THSD4: variants seen among roughly 807,000 people sequenced by gnomAD.
The protein encoded by THSD4 is thrombospondin type-1 domain-containing protein 4.
A neutral mutation model predicts 119.0 loss-of-function variants in THSD4; 69 were observed. That is an observed-to-expected ratio of 0.58 (90% CI 0.48 to 0.71). The LOEUF is 0.71. Among genes scored for constraint, THSD4 ranks in the 30% least tolerant of loss-of-function variants. The pLI, the probability that THSD4 is intolerant of heterozygous loss-of-function variation, is 0.00. For synonymous variants in THSD4, 524 were observed against 540.4 expected, an observed-to-expected ratio of 0.97 and a Z score of 0.42; for missense variants, 1,393 against 1,391.1, an observed-to-expected ratio of 1.00 and a Z score of -0.02.
At chr15:71,495,616 T>C (rs1450350226) in intron 7 of THSD4, among the ~76,000 whole-genome samples, 1 of 152,202 alleles carries the variant, frequency 6.6e-6, no homozygotes, top group African/African-American at 2.4e-5. Flanking sequence ...TGCTGGGTCA[T>C]GACAGCTGTA....
intron 3 of THSD4, among the ~76,000 whole-genome samples, chr15:71,155,779 G>A (rs1211206386): frequency 6.6e-6 from 1 of 152,148 alleles, no homozygotes; most frequent in African/African-American, 2.4e-5. Context: ...GTAGAGGGAC[G>A]CAGTCACTGC....
chr15:71,531,413 G>A (rs1255031211), intron 7 of THSD4, among the ~76,000 whole-genome samples: 1 of 152,222 alleles, frequency 6.6e-6, no homozygotes, highest in Non-Finnish European at 1.5e-5. Context: ...CCCGGGAGGT[G>A]CAAGGCCTTG....
At chr15:71,263,542 G>C (rs2074564050) in intron 6 of THSD4, among the ~76,000 whole-genome samples, 1 of 152,076 alleles carries the variant, frequency 6.6e-6, no homozygotes, top group Non-Finnish European at 1.5e-5. Context: ...TGGTATTTCT[G>C]TCTCTAAGTC....
At chr15:71,642,806 G>C (rs1047441965) in intron 7 of THSD4, among the ~76,000 whole-genome samples, 18 of 151,978 alleles carry the variant, frequency 1.2e-4, no homozygotes, top group South Asian at 4.2e-4. Context: ...GTTGTGGGGT[G>C]GGGGGAGTGG....
chr15:71,727,247 G>T (rs1357568347), intron 8 of THSD4, among the ~76,000 whole-genome samples: 4 of 151,966 alleles, frequency 2.6e-5, no homozygotes, highest in Admixed American at 6.6e-5. Context: ...GACAGTGCAC[G>T]TGCGGTATCT....
intron 16 of THSD4, among the ~76,000 whole-genome samples, chr15:71,770,606 G>A (rs2140244001): frequency 6.6e-6 from 1 of 152,176 alleles, no homozygotes; most frequent in African/African-American, 2.4e-5. Context: ...AGCAAGCCGA[G>A]ATCACGCCAC....
intron 12 of THSD4, among the ~76,000 whole-genome samples, chr15:71,746,026 G>T (rs1354449304): frequency 6.6e-6 from 1 of 152,206 alleles, no homozygotes; most frequent in African/African-American, 2.4e-5. Flanking sequence ...AACCTAATTT[G>T]CAGAGTAATA....
chr15:71,480,218 T>C (rs904808254), intron 7 of THSD4, among the ~76,000 whole-genome samples: 3 of 152,126 alleles, frequency 2.0e-5, no homozygotes, highest in Admixed American at 6.5e-5. Flanking sequence ...TGTTATTTTT[T>C]GTAGAGACAA....
rs199741159 is a variant in THSD4 at position 71,312,270 on chromosome 15, G to A, written c.1015+55555G>A. On this transcript the variant is annotated intron_variant, in intron 6 of 17. Coordinates refer to ENST00000261862, the MANE Select transcript of THSD4 (RefSeq NM_024817.3). The stretch of plus-strand genomic sequence containing the variant: ...TGGAAACCGGGAGGCAGAGGTTGCA[G>A]TAAGCTGAGATCGTACCACTGCACT... 2.0e-5 allele frequency among the ~76,000 whole-genome samples: 3 copies of A among 152,244 alleles called. No individual in the cohort carries two copies. In the East Asian group the frequency reaches 5.8e-4, roughly 29 times the overall value.
intron 7 of THSD4, among the ~76,000 whole-genome samples, chr15:71,482,953 TC>T (rs1285449435): frequency 6.6e-5 from 10 of 152,214 alleles, no homozygotes; most frequent in African/African-American, 1.9e-4. Flanking sequence ...ACAGCAGAGT[TC>T]AACTTATATC....
intron 11 of THSD4, among the ~76,000 whole-genome samples, chr15:71,738,587 C>G (rs1343797233): frequency 1.3e-5 from 2 of 152,186 alleles, no homozygotes. Flanking sequence ...TGGCAAAGTC[C>G]TGGAGATGCC....
intron 7 of THSD4, among the ~76,000 whole-genome samples, chr15:71,628,686 A>G (rs2050555696): frequency 6.6e-6 from 1 of 152,204 alleles, no homozygotes; most frequent in East Asian, 1.9e-4. Flanking sequence ...AAGGGTGTCA[A>G]TACACTTTGA....
chr15:71,630,980 A>G (rs991568158), intron 7 of THSD4, among the ~76,000 whole-genome samples: 2 of 152,284 alleles, frequency 1.3e-5, no homozygotes, highest in East Asian at 1.9e-4. Flanking sequence ...ACCAGATGCC[A>G]TCATGCTCTC....
At chr15:71,594,194 C>T (rs978484955) in intron 7 of THSD4, among the ~76,000 whole-genome samples, 1 of 151,940 alleles carries the variant, frequency 6.6e-6, no homozygotes, top group African/African-American at 2.4e-5. Flanking sequence ...CAGTCTGTTC[C>T]CAAGCCTGGA....
At chr15:71,564,636 GTATAT>G (rs1170778498) in intron 7 of THSD4, among the ~76,000 whole-genome samples, 1 of 129,558 alleles carries the variant, frequency 7.7e-6, no homozygotes, top group Non-Finnish European at 1.6e-5. Flanking sequence ...AATATATATT[GTATAT>G]TATAACATAT....
chr15:71,534,697 A>G (rs1349985137), intron 7 of THSD4, among the ~76,000 whole-genome samples: 4 of 152,226 alleles, frequency 2.6e-5, no homozygotes, highest in Non-Finnish European at 5.9e-5. Flanking sequence ...TTAAGATACA[A>G]TTTATGGCCA....
chr15:71,262,154 G>A (rs1226771267), intron 6 of THSD4, among the ~76,000 whole-genome samples: 2 of 152,072 alleles, frequency 1.3e-5, no homozygotes, highest in Non-Finnish European at 2.9e-5. Flanking sequence ...TAGTAAAAGC[G>A]GAGTATACTC....
intron 8 of THSD4, among the ~76,000 whole-genome samples, chr15:71,679,040 G>T (rs747988406): frequency 2.1e-4 from 32 of 152,084 alleles, no homozygotes; most frequent in Non-Finnish European, 4.6e-4. Context: ...TGTCTGAATT[G>T]ATATTCCTGC....
intron 6 of THSD4, among the ~76,000 whole-genome samples, chr15:71,270,230 A>G (rs2044512843): frequency 6.6e-6 from 1 of 152,264 alleles, no homozygotes; most frequent in Non-Finnish European, 1.5e-5. Flanking sequence ...CCAAAACAGC[A>G]TGGTACTGGT....
Sources: allele counts gnomAD v4.1 joint callset (sites outside exome capture counted in the v4.1 genomes callset), GRCh38; gene constraint gnomAD v4.1.1; transcripts MANE v1.5; gene names NCBI Gene and HGNC (gene_info 2026-07-23, HGNC 2026-07-21).